The following PDE8B variants were observed in gnomAD, a reference collection of about 807,000 sequenced individuals.
PDE8B encodes the protein phosphodiesterase 8B.
A neutral mutation model predicts 101.3 loss-of-function variants in PDE8B; 26 were observed. That is an observed-to-expected ratio of 0.26 (90% CI 0.19 to 0.36). PDE8B has a LOEUF of 0.36. Ranked by LOEUF, PDE8B falls within the 10% of genes least tolerant of loss-of-function variation. The pLI, the probability that PDE8B is intolerant of heterozygous loss-of-function variation, is 1.00. For missense variants in PDE8B, 810 were observed against 1,163.1 expected (o/e 0.70, Z 4.42); for synonymous variants, 424 against 429.3 (o/e 0.99, Z 0.15).
At chr5:77,329,982 T>C (rs566304619) in intron 4 of PDE8B, among the ~76,000 whole-genome samples, 263 of 152,292 alleles carry the variant, frequency 1.7e-3, no homozygotes, top group African/African-American at 6.0e-3. Flanking sequence ...AGTGTCTCCC[T>C]AGGGGCTATG....
chr5:77,097,244 T>C, the PDE8B span, among the ~76,000 whole-genome samples: 1 of 152,108 alleles, frequency 6.6e-6, no homozygotes, highest in Non-Finnish European at 1.5e-5. Flanking sequence ...GTTGCTGGAA[T>C]GGGGAGCCAC....
intron 1 of PDE8B, among the ~76,000 whole-genome samples, chr5:77,244,188 A>G (rs1026362573): frequency 1.3e-5 from 2 of 152,108 alleles, no homozygotes; most frequent in African/African-American, 4.8e-5. Context: ...GATGGGTTTT[A>G]GAAAGACTTA....
At chr5:77,181,530 C>G in the PDE8B span, among the ~76,000 whole-genome samples, 1 of 152,212 alleles carries the variant, frequency 6.6e-6, no homozygotes, top group Non-Finnish European at 1.5e-5. Context: ...TCTATACCCT[C>G]AAGACTAGCT....
At chr5:77,416,969 C>T (rs997809270) in intron 17 of PDE8B, among the ~76,000 whole-genome samples, 10 of 152,100 alleles carry the variant, frequency 6.6e-5, no homozygotes, top group African/African-American at 2.2e-4. Flanking sequence ...GAACGTCATG[C>T]AGGCTGTTCT....
At chr5:77,087,254 A>G in the PDE8B span, 2 of 152,366 alleles carry the variant, frequency 1.3e-5, no homozygotes, top group African/African-American at 4.8e-5. Context: ...CTGCATTCAC[A>G]CGTCTGCGGG....
chr5:77,333,918 C>T lies in PDE8B; in HGVS notation c.708+2459C>T, dbSNP rs1406066937. Among the ~76,000 whole-genome samples, 8 of 152,216 alleles carry T rather than the reference C, an allele frequency of 5.3e-5. No homozygotes were observed. The South Asian group carries it at 6.2e-4, about 12-fold the overall frequency. ...GAACAGCGGTAGCTGTCAGGGACCACCTGGTGTTCTTCAGTGCTGGCCCTG... is the reference window on the plus strand; with the variant it reads ...GAACAGCGGTAGCTGTCAGGGACCATCTGGTGTTCTTCAGTGCTGGCCCTG... On this transcript the variant is annotated intron_variant, in intron 5 of 21. Coordinates refer to ENST00000264917, the MANE Select transcript of PDE8B (RefSeq NM_003719.5).
chr5:77,255,945 C>T (rs967652181), intron 1 of PDE8B, among the ~76,000 whole-genome samples: 4 of 152,168 alleles, frequency 2.6e-5, no homozygotes, highest in Non-Finnish European at 5.9e-5. Flanking sequence ...CCCTCATTTT[C>T]ATCTTGGAGT....
At chr5:77,097,024 A>T in the PDE8B span, among the ~76,000 whole-genome samples, 1 of 152,094 alleles carries the variant, frequency 6.6e-6, no homozygotes, top group Admixed American at 6.5e-5. Flanking sequence ...TACCCTTCTT[A>T]TTTCATCTTT....
chr5:77,388,084 G>A (rs1312718201), intron 10 of PDE8B, among the ~76,000 whole-genome samples: 1 of 152,056 alleles, frequency 6.6e-6, no homozygotes, highest in African/African-American at 2.4e-5. Context: ...CTGTCAATTC[G>A]TCAAACTCAT....
chr5:77,176,147 G>C, the PDE8B span, among the ~76,000 whole-genome samples: 5 of 152,100 alleles, frequency 3.3e-5, no homozygotes. Flanking sequence ...TCCACTGCAC[G>C]TCCAGGGTGA....
At chr5:77,118,403 C>T in the PDE8B span, 1 of 398,562 alleles carries the variant, frequency 2.5e-6, no homozygotes, top group South Asian at 1.3e-4. Context: ...CTCTCAGCCT[C>T]ATCCTTCTGG....
rs767041886 is a variant in PDE8B, at chr5:77,421,967, C to A, written c.2397C>A (p.Ile799=). Residue 799 remains isoleucine (I), a synonymous_variant, in exon 20 of 22, where the codon ATC becomes ATA. Transcript: ENST00000264917. ...TGTGCATTGAATGGGCTGGGAGGAT[C>A]TCTGAGGAGTATTTTGCACAGGTGC... is the stretch of plus-strand genomic sequence containing the variant. ...LDLCIEWAGR[I]SEEYFAQTDE... 2 of 1,614,180 alleles carry A rather than the reference C, an allele frequency of 1.2e-6. No individual in the cohort carries two copies. Among genetic ancestry groups the A allele is most frequent in the Admixed American group, 3.3e-5 (2 of 60,028 alleles).
chr5:77,259,079 C>CT (rs1561428902), intron 1 of PDE8B, among the ~76,000 whole-genome samples: 1 of 78,488 alleles, frequency 1.3e-5, no homozygotes, highest in African/African-American at 5.1e-5. Flanking sequence ...CCCCCGCCCC[C>CT]CCCCCACACA....
chr5:77,378,049 C>CACACACACACACA (rs1554093056), intron 10 of PDE8B, among the ~76,000 whole-genome samples: 1 of 148,366 alleles, frequency 6.7e-6, no homozygotes, highest in Non-Finnish European at 1.5e-5. Flanking sequence ...CACACACACA[C>CACACACACACACA]CCCCTGTTGG....
chr5:77,262,057 T>C (rs148569724), intron 1 of PDE8B, among the ~76,000 whole-genome samples: 1 of 152,168 alleles, frequency 6.6e-6, no homozygotes, highest in Non-Finnish European at 1.5e-5. Flanking sequence ...TTAAAAATAG[T>C]AGCAGGAAAC....
rs139139781 is a variant in PDE8B, at chr5:77,418,364, G to A, written c.2047G>A (p.Val683Ile). The change falls in exon 18 of 22, where the codon GTT becomes ATT. Residue 683 changes from valine to isoleucine, a missense_variant. Val to Ile is a conservative substitution (Grantham distance 29). This residue lies in a region of PDE8B where 325 missense variants were observed against 560.9 expected (regional missense o/e 0.58). Coordinates refer to ENST00000264917, the MANE Select transcript of PDE8B (RefSeq NM_003719.5). Reference sequence around the variant, plus strand: ...TGCTGTGCTCTACAATGACACTGCTGTTCTGGAGAGTCACCACACCGCCCT... The same window carrying A: ...TGCTGTGCTCTACAATGACACTGCTATTCTGGAGAGTCACCACACCGCCCT... ...ELAVLYNDTA[V>I]LESHHTALAF... 1.9e-6 allele frequency: 3 copies of A among 1,614,094 alleles called. No homozygotes were observed. The highest frequency in any genetic ancestry group is 2.5e-6 in the Non-Finnish European group (3 of 1,179,932).
At chr5:77,172,743 C>T in the PDE8B span, among the ~76,000 whole-genome samples, 57,146 of 152,016 alleles carry the variant, frequency 0.38, 11,321 homozygotes, top group East Asian at 0.51. Flanking sequence ...ATACCAGTAC[C>T]AGTGCTGACT....
intron 2 of PDE8B, among the ~76,000 whole-genome samples, chr5:77,314,762 C>T (rs1404112749): frequency 1.3e-5 from 2 of 152,044 alleles, no homozygotes; most frequent in Non-Finnish European, 2.9e-5. Flanking sequence ...TTTTAAGATA[C>T]TTCTAGACCT....
intron 10 of PDE8B, among the ~76,000 whole-genome samples, chr5:77,396,351 G>C (rs956880467): frequency 6.6e-6 from 1 of 152,192 alleles, no homozygotes; most frequent in Non-Finnish European, 1.5e-5. Context: ...ACCCACATTT[G>C]AGCTTGGTGC....
Sources: allele counts gnomAD v4.1 joint callset (sites outside exome capture counted in the v4.1 genomes callset), GRCh38; gene constraint gnomAD v4.1.1; regional missense constraint gnomAD v4.1.1; transcripts MANE v1.5; gene names NCBI Gene and HGNC (gene_info 2026-07-23, HGNC 2026-07-21).